AASS: variants seen among roughly 807,000 people sequenced by gnomAD.
AASS encodes the protein aminoadipate-semialdehyde synthase.
AASS carries 86 observed loss-of-function variants against 105.4 expected under a neutral mutation model. That is an observed-to-expected ratio of 0.82 (90% CI 0.69 to 0.98). The LOEUF (loss-of-function observed/expected upper bound fraction) is 0.98. AASS is among the 50% of genes least tolerant of loss of function. The probability of loss-of-function intolerance (pLI) is 0.00; values close to 1 mark genes in which losing one functional copy is unlikely to be tolerated. For missense variants in AASS, 1,048 were observed against 1,143.2 expected, an observed-to-expected ratio of 0.92 and a Z score of 1.20; for synonymous variants, 381 against 394.8, an observed-to-expected ratio of 0.96 and a Z score of 0.41.
chr7:122,113,294 G>T (rs1795018813), intron 10 of AASS, 65 bp from the exon 11 acceptor site: 2 of 1,358,666 alleles, frequency 1.5e-6, no homozygotes, highest in African/African-American at 1.4e-5. Context: ...GACTTTTCCA[G>T]ATGTCTACTC....
chr7:122,098,884 A>C lies in AASS; in HGVS notation c.1407-18T>G. 6.5e-7 allele frequency: 1 copy of C among 1,546,986 alleles called. No homozygotes were observed. Among genetic ancestry groups the C allele is most frequent in the Non-Finnish European group, 8.7e-7 (1 of 1,152,304 alleles). On this transcript the variant is annotated intron_variant, in intron 13 of 23. Coordinates refer to ENST00000417368, the MANE Select transcript of AASS (RefSeq NM_005763.4). ...CACGTTCCCTATTTAAAAAAAAAAA[A>C]AAAAAAAAAAAAGGGAAGGGGCTAA...
chr7:122,098,753 A>T lies in AASS; in HGVS notation c.1520T>A (p.Ile507Lys). 6.2e-7 allele frequency: 1 copy of T among 1,607,382 alleles called. No homozygotes were observed. The highest frequency in any genetic ancestry group is 8.5e-7 in the Non-Finnish European group (1 of 1,176,314). Residue 507 changes from isoleucine (I) to lysine (K), a missense_variant, in exon 14 of 24, where the codon ATA becomes AAA. Transcript: ENST00000417368. ...AATTAGGGCTTATTTACCTACTGTT[A>T]TTTCTATATTGCCATCTCTTGATAA... ...EYLSRDGNIE[I>K]TVGSDMKNQI...
intron 4 of AASS, among the ~76,000 whole-genome samples, chr7:122,123,161 A>G (rs1424446329): frequency 6.6e-6 from 1 of 152,182 alleles, no homozygotes; most frequent in Non-Finnish European, 1.5e-5. Flanking sequence ...TCCTCCACTT[A>G]GCAAGACCCC....
intron 4 of AASS, among the ~76,000 whole-genome samples, chr7:122,126,043 T>C (rs1431156900): frequency 6.6e-6 from 1 of 152,116 alleles, no homozygotes; most frequent in Non-Finnish European, 1.5e-5. Flanking sequence ...TTTTTCCCTT[T>C]CTATTTCTCC....
chr7:122,115,901 T>C lies in AASS; in HGVS notation c.895-679A>G, dbSNP rs187850583. Among the ~76,000 whole-genome samples, 110 of 152,318 alleles carry C rather than the reference T, an allele frequency of 7.2e-4. 1 individual carries two copies. The Middle Eastern group carries it at 0.02, about 28-fold the overall frequency. ...AAGGTAAGAATTCTTTTCCCTAACA[T>C]GCCCTGCACGATATAAGGGCTAAAC... On this transcript the variant is annotated intron_variant, in intron 8 of 23. Transcript: ENST00000417368.
intron 15 of AASS, among the ~76,000 whole-genome samples, chr7:122,098,115 T>C (rs985627296): frequency 2.0e-5 from 3 of 152,000 alleles, no homozygotes; most frequent in Non-Finnish European, 2.9e-5. Context: ...ATTCCAATTA[T>C]ATGAAGTCTG....
rs549558138 is a variant in AASS at position 122,082,677 on chromosome 7, T to C, written c.2185-1082A>G. 4.0e-4 allele frequency: 186 copies of C among 468,786 alleles called. 1 individual carries two copies. Among genetic ancestry groups the C allele is most frequent in the African/African-American group, 3.6e-3 (175 of 49,188 alleles). 29.0% of individuals were successfully genotyped at this position (468,786 alleles called of 1,614,324 possible). On this transcript the variant is annotated intron_variant, in intron 19 of 23. Transcript: ENST00000417368. ...CAAACAAATAATGCCTAGTCCATGG[T>C]GAACAAAAATGCGTCACCACTGACG...
rs1395015169 is a variant in AASS, at chr7:122,113,221, C to G, written c.1175G>C (p.Gly392Ala). 3 of 1,613,724 alleles carry G rather than the reference C, an allele frequency of 1.9e-6. No homozygotes were observed. The highest frequency in any genetic ancestry group is 2.5e-6 in the Non-Finnish European group (3 of 1,179,830). ...AATGGAACACATCAGGATCCCCGAG[C>G]CTTCAACACTAAAAGCAGCAATGTG... ...DQHIIHDSVE[G>A]SGILMCSIDN... Residue 392 changes from glycine (G) to alanine (A), a missense_variant, in exon 11 of 24, where the codon GGC becomes GCC. Coordinates refer to ENST00000417368, the MANE Select transcript of AASS (RefSeq NM_005763.4).
chr7:122,118,630 C>G lies in AASS; in HGVS notation c.473G>C (p.Gly158Ala). 1 of 1,613,538 alleles carries G rather than the reference C, an allele frequency of 6.2e-7. No individual in the cohort carries two copies. Among genetic ancestry groups the G allele is most frequent in the Non-Finnish European group, 8.5e-7 (1 of 1,179,786 alleles). Reference protein sequence around the residue: ...VAFGQWAGVAGMINILHGMGL... With the variant: ...VAFGQWAGVAAMINILHGMGL... ...CATTCCATGTAAAATGTTGATCATT[C>G]CTGTTACAGAATCAGACCAATAGAA... Residue 158 changes from glycine to alanine, a missense_variant and splice_region_variant, in exon 5 of 24, where the codon GGA becomes GCA. Coordinates refer to ENST00000417368, the MANE Select transcript of AASS (RefSeq NM_005763.4).
intron 1 of AASS, among the ~76,000 whole-genome samples, chr7:122,142,322 C>G (rs1796439620): frequency 6.6e-6 from 1 of 152,180 alleles, no homozygotes; most frequent in Admixed American, 6.5e-5. Flanking sequence ...GGCTTGCCTA[C>G]TCCTCAAAAG....
At chr7:122,134,703 G>A (rs1386853244) in intron 1 of AASS, among the ~76,000 whole-genome samples, 1 of 152,126 alleles carries the variant, frequency 6.6e-6, no homozygotes, top group African/African-American at 2.4e-5. Flanking sequence ...CAACCATTGT[G>A]GAAGACAATG....
intron 19 of AASS, among the ~76,000 whole-genome samples, chr7:122,083,897 C>T (rs937775854): frequency 9.2e-5 from 14 of 152,126 alleles, no homozygotes; most frequent in Admixed American, 5.9e-4. Flanking sequence ...GGATTGCTGG[C>T]ATTGCCCAGG....
rs182504314 is a variant in AASS, at chr7:122,107,071, G to A, written c.1279-5391C>T. ...AACAAACAACCCCATTAAAAGCTGGGCAAAGGACATGAACAGACACTTTTC... is the reference window on the plus strand; with the variant it reads ...AACAAACAACCCCATTAAAAGCTGGACAAAGGACATGAACAGACACTTTTC... On this transcript the variant is annotated intron_variant, in intron 11 of 23. Coordinates refer to ENST00000417368, the MANE Select transcript of AASS (RefSeq NM_005763.4). Among the ~76,000 whole-genome samples, 160 of 152,190 alleles carry A rather than the reference G, an allele frequency of 1.1e-3. 2 individuals are homozygous for A. Among genetic ancestry groups the A allele is most frequent in the Non-Finnish European group, 3.2e-4 (22 of 67,982 alleles).
chr7:122,117,233 A>G (rs540425661), intron 6 of AASS, among the ~76,000 whole-genome samples: 23 of 152,330 alleles, frequency 1.5e-4, no homozygotes, highest in East Asian at 3.9e-4. Flanking sequence ...GAAATGAGGG[A>G]AAAATATTTC....
intron 3 of AASS, among the ~76,000 whole-genome samples, chr7:122,126,724 G>A (rs1795673312): frequency 6.6e-6 from 1 of 152,078 alleles, no homozygotes; most frequent in Non-Finnish European, 1.5e-5. Context: ...AATAAAGGTA[G>A]AATTTCCTTT....
chr7:122,084,066 C>T (rs1270725545), intron 19 of AASS, among the ~76,000 whole-genome samples: 1 of 152,006 alleles, frequency 6.6e-6, no homozygotes, highest in African/African-American at 2.4e-5. Context: ...AAAGACTATA[C>T]TGAAAGCTAT....
At chr7:122,088,814 C>T (rs568358934) in intron 18 of AASS, among the ~76,000 whole-genome samples, 1 of 152,076 alleles carries the variant, frequency 6.6e-6, no homozygotes, top group South Asian at 2.1e-4. Flanking sequence ...CAAAGCTCTG[C>T]CATATCACTC....
intron 11 of AASS, among the ~76,000 whole-genome samples, chr7:122,103,034 CTT>C (rs1034615010): frequency 9.9e-5 from 15 of 151,920 alleles, no homozygotes; most frequent in African/African-American, 3.6e-4. Flanking sequence ...AAATGTAAAA[CTT>C]TAAAATTAGT....
chr7:122,122,760 T>C (rs1795497421), intron 4 of AASS, among the ~76,000 whole-genome samples: 1 of 152,230 alleles, frequency 6.6e-6, no homozygotes, highest in Non-Finnish European at 1.5e-5. Flanking sequence ...CCTCTGCTTA[T>C]GTATAGATTT....
Sources: gnomAD v4.1 joint callset for allele counts (sites outside exome capture counted in the v4.1 genomes callset) on GRCh38, gnomAD v4.1.1 for gene constraint, MANE v1.5 for transcripts, NCBI Gene and HGNC (gene_info 2026-07-23, HGNC 2026-07-21) for gene names.